Variants in ADRA1A observed in about 807,000 individuals in gnomAD.
ADRA1A encodes the protein adrenoceptor alpha 1A.
ADRA1A carries 31 observed loss-of-function variants against 29.6 expected under a neutral mutation model. The ratio of observed to expected loss-of-function variants is 1.05; its 90% confidence interval spans 0.79 to 1.41. The LOEUF (loss-of-function observed/expected upper bound fraction) is 1.41, where lower values mean the gene tolerates loss of function less well. ADRA1A is among the 40% of genes most tolerant of loss of function. The probability of loss-of-function intolerance (pLI) is 0.00; values close to 1 mark genes in which losing one functional copy is unlikely to be tolerated. For missense variants in ADRA1A, 619 were observed against 601.1 expected (o/e 1.03, Z -0.31); for synonymous variants, 311 against 254.3 (o/e 1.22, Z -2.12).
At chr8:26,762,493 G>A (rs1367306752), downstream of ADRA1A, among the ~76,000 whole-genome samples, 3 of 152,098 alleles carry the variant, frequency 2.0e-5, no homozygotes, top group East Asian at 5.8e-4. The surrounding 1 kb of genome is among the most constrained non-coding windows in gnomAD (Gnocchi z 4.0). Flanking sequence ...CATGGAGCAT[G>A]GATTCCATGG....
At chr8:26,840,989 G>A (rs1271904445) in intron 2 of ADRA1A, among the ~76,000 whole-genome samples, 1 of 152,168 alleles carries the variant, frequency 6.6e-6, no homozygotes, top group African/African-American at 2.4e-5. Context: ...TGAGTGCACT[G>A]GGTGAAGACT....
chr8:26,866,155 C>A lies in ADRA1A; in HGVS notation c.-686-500G>T, dbSNP rs1030002733. 1.3e-5 allele frequency among the ~76,000 whole-genome samples: 2 copies of A among 152,124 alleles called. No homozygotes were observed. Among genetic ancestry groups the A allele is most frequent in the African/African-American group, 4.8e-5 (2 of 41,398 alleles). On this transcript the variant is annotated intron_variant, in intron 1 of 2. Transcript: ENST00000380573. This position sits in a 1 kb window ranked among gnomAD's most constrained non-coding sequence, Gnocchi z 5.7. ...CCCAGGGACCTCAGGGCCAGGACCA[C>A]GAGCACGCTCACTCTCACGCCGGTG...
At chr8:26,782,482 T>C (rs1425337607) in intron 2 of ADRA1A, among the ~76,000 whole-genome samples, 1 of 152,230 alleles carries the variant, frequency 6.6e-6, no homozygotes, top group Admixed American at 6.5e-5. Flanking sequence ...TGGTACTGTT[T>C]TGATTATAGA....
intron 2 of ADRA1A, among the ~76,000 whole-genome samples, chr8:26,757,317 G>A (rs533140270): frequency 3.8e-4 from 58 of 152,276 alleles, no homozygotes; most frequent in African/African-American, 1.1e-3. Context: ...AGCCTGAGTC[G>A]TGGTGAGCTG....
chr8:26,777,552 T>A (rs2130328814), intron 2 of ADRA1A, among the ~76,000 whole-genome samples: 1 of 152,278 alleles, frequency 6.6e-6, no homozygotes, highest in Non-Finnish European at 1.5e-5. Context: ...TTCGCTAGTC[T>A]TTTTTTCCCC....
intron 2 of ADRA1A, among the ~76,000 whole-genome samples, chr8:26,855,492 A>T (rs1812979050): frequency 1.3e-5 from 2 of 152,272 alleles, no homozygotes; most frequent in Admixed American, 6.5e-5. Flanking sequence ...GAGGAGAAAT[A>T]TAAGTGATGG....
intron 2 of ADRA1A, among the ~76,000 whole-genome samples, chr8:26,842,944 T>C (rs1811939864): frequency 6.6e-6 from 1 of 151,534 alleles, no homozygotes; most frequent in Admixed American, 6.6e-5. Flanking sequence ...ATGAATGTGC[T>C]GTGTTCACTC....
At chr8:26,754,656 C>T (rs952090212), downstream of ADRA1A, among the ~76,000 whole-genome samples, 7 of 151,958 alleles carry the variant, frequency 4.6e-5, no homozygotes, top group Non-Finnish European at 1.0e-4. Context: ...GAAATGTCAC[C>T]GGGTTCATGG....
rs1424492391 is a variant in ADRA1A at position 26,860,858 on chromosome 8, T to C, written c.883+3229A>G. Among the ~76,000 whole-genome samples the C allele has an allele frequency of 6.6e-6, 1 of 152,106 alleles. No individual in the cohort carries two copies. Among genetic ancestry groups the C allele is most frequent in the East Asian group, 1.9e-4 (1 of 5,186 alleles). On this transcript the variant is annotated intron_variant, in intron 2 of 2. Coordinates refer to ENST00000380573, the MANE Select transcript of ADRA1A (RefSeq NM_000680.4). This position sits in a 1 kb window ranked among gnomAD's most constrained non-coding sequence, Gnocchi z 4.7. ...CGTTCCCATCAGAATATAAATATCA[T>C]GTCATATCCCCACCTCCCACCATTG...
At chr8:26,798,077 C>T (rs1377953904) in intron 2 of ADRA1A, among the ~76,000 whole-genome samples, 1 of 152,148 alleles carries the variant, frequency 6.6e-6, no homozygotes, top group Non-Finnish European at 1.5e-5. Flanking sequence ...CTCCCAGGCT[C>T]AAGTGATTCT....
At position 26,771,206 on chromosome 8, in the gene ADRA1A, G is replaced by T. The variant is rs532567814; in HGVS notation, c.884-540C>A. On this transcript the variant is annotated intron_variant, in intron 2 of 2. Transcript: ENST00000380573. The stretch of plus-strand genomic sequence containing the variant: ...ACAATATTGGCCTTGCCAAAGTTGG[G>T]CCAGTGATTCTCAATCACTTTTCCT... 2.0e-5 allele frequency among the ~76,000 whole-genome samples: 3 copies of T among 152,308 alleles called. No homozygotes were observed. The East Asian group carries it at 5.8e-4, about 29-fold the overall frequency.
chr8:26,832,034 G>A (rs529675635), intron 2 of ADRA1A, among the ~76,000 whole-genome samples: 7 of 152,346 alleles, frequency 4.6e-5, no homozygotes, highest in East Asian at 3.9e-4. Context: ...ATCCAGGGAC[G>A]CTCCTCTGGC....
At chr8:26,756,042 G>T (rs1482924794), downstream of ADRA1A, among the ~76,000 whole-genome samples, 2 of 152,152 alleles carry the variant, frequency 1.3e-5, no homozygotes, top group Non-Finnish European at 2.9e-5. Flanking sequence ...GGCCTTGCCT[G>T]CCATTCTTAT....
intron 2 of ADRA1A, among the ~76,000 whole-genome samples, chr8:26,846,933 A>G (rs1812246249): frequency 6.6e-6 from 1 of 152,214 alleles, no homozygotes; most frequent in Non-Finnish European, 1.5e-5. Context: ...CATGGATGAA[A>G]TTGGAAATCA....
intron 2 of ADRA1A, among the ~76,000 whole-genome samples, chr8:26,801,954 A>T (rs1249392590): frequency 1.3e-5 from 2 of 152,150 alleles, no homozygotes; most frequent in Non-Finnish European, 2.9e-5. Flanking sequence ...TCTACAGTGA[A>T]CTCATTTTTG....
intron 2 of ADRA1A, among the ~76,000 whole-genome samples, chr8:26,824,555 C>T (rs1211870649): frequency 6.6e-6 from 1 of 152,024 alleles, no homozygotes; most frequent in Non-Finnish European, 1.5e-5. Flanking sequence ...GGGCTAGAAC[C>T]CAGATATTCC....
chr8:26,865,197 G>A lies in ADRA1A; in HGVS notation c.-228C>T, dbSNP rs1813816634. The A allele has an allele frequency of 7.3e-7, 1 of 1,376,686 alleles. No individual in the cohort carries two copies. The highest frequency in any genetic ancestry group is 2.8e-5 in the East Asian group (1 of 35,632). 85.3% of individuals were successfully genotyped at this position (1,376,686 alleles called of 1,614,324 possible). On this transcript the variant is annotated 5_prime_UTR_variant, in exon 2 of 3. Transcript: ENST00000380573. The surrounding 1 kb of genome is among the most constrained non-coding windows in gnomAD (Gnocchi z 7.6). ...GGGCAGGGCATTAAAGACATGGCCA[G>A]GGGCGCGCGGGGCTGCCGGGGACCC...
intron 2 of ADRA1A, among the ~76,000 whole-genome samples, chr8:26,771,417 AT>A (rs75019411): frequency 2.0e-5 from 3 of 151,612 alleles, no homozygotes; most frequent in Non-Finnish European, 2.9e-5. Flanking sequence ...GTCATTGATC[AT>A]TTTTTTTGTC....
At chr8:26,859,306 G>C (rs1813273411) in intron 2 of ADRA1A, 10 of 754,622 alleles carry the variant, frequency 1.3e-5, no homozygotes, top group Non-Finnish European at 1.7e-5. Context: ...ACATCTCGTT[G>C]ACGACCCAGC....
Sources: allele counts gnomAD v4.1 joint callset (sites outside exome capture counted in the v4.1 genomes callset), GRCh38; gene constraint gnomAD v4.1.1; non-coding constraint Gnocchi (gnomAD v3.1); transcripts MANE v1.5; gene names NCBI Gene and HGNC (gene_info 2026-07-23, HGNC 2026-07-21).